Variants in ZNF678 observed in about 807,000 individuals in gnomAD.
The protein encoded by ZNF678 is zinc finger protein 678.
In ZNF678, 5 loss-of-function variants were observed where a neutral mutation model predicts 3.0. The ratio of observed to expected loss-of-function variants is 1.69; its 90% CI spans 0.88 to 3.56. The LOEUF is 3.56. ZNF678 is among the 30% of genes most tolerant of loss of function. The pLI is 0.00. For synonymous variants in ZNF678, 218 were observed against 199.6 expected, an observed-to-expected ratio of 1.09 and a Z score of -0.78; for missense variants, 593 against 605.0, an observed-to-expected ratio of 0.98 and a Z score of 0.21.
At chr1:227,609,837 G>A (rs1050346974) in intron 1 of ZNF678, among the ~76,000 whole-genome samples, 3 of 151,836 alleles carry the variant, frequency 2.0e-5, no homozygotes, top group Non-Finnish European at 4.4e-5. Flanking sequence ...AGGTTCAAGC[G>A]ATTTTCCTGC....
chr1:227,573,793 T>G (rs1656917324), intron 1 of ZNF678, among the ~76,000 whole-genome samples: 1 of 139,952 alleles, frequency 7.1e-6, no homozygotes, highest in Admixed American at 6.9e-5. Context: ...TAGTATTCAT[T>G]AGTTATTTTT....
chr1:227,647,278 C>T (rs1180908092), intron 2 of ZNF678, among the ~76,000 whole-genome samples: 3 of 152,066 alleles, frequency 2.0e-5, no homozygotes, highest in African/African-American at 7.2e-5. Context: ...CAAAAAGAAC[C>T]TATACATTTA....
intron 1 of ZNF678, among the ~76,000 whole-genome samples, chr1:227,631,579 C>T (rs574734183): frequency 6.6e-6 from 1 of 152,284 alleles, no homozygotes; most frequent in South Asian, 2.1e-4. Context: ...GGGCCTTTGT[C>T]CTTCTTTTCC....
intron 1 of ZNF678, among the ~76,000 whole-genome samples, chr1:227,628,714 C>T (rs1306027544): frequency 6.6e-6 from 1 of 152,228 alleles, no homozygotes; most frequent in African/African-American, 2.4e-5. Flanking sequence ...ACTTGGTTGG[C>T]TTGATGGCAC....
At chr1:227,579,594 G>A (rs1184414653) in intron 1 of ZNF678, among the ~76,000 whole-genome samples, 2 of 152,152 alleles carry the variant, frequency 1.3e-5, no homozygotes, top group Non-Finnish European at 2.9e-5. Flanking sequence ...CTGCAGTATG[G>A]GGAGGGAACA....
At chr1:227,628,977 T>C (rs1252869354) in intron 1 of ZNF678, among the ~76,000 whole-genome samples, 4 of 152,128 alleles carry the variant, frequency 2.6e-5, no homozygotes, top group Non-Finnish European at 4.4e-5. Context: ...TCTGCTTCCT[T>C]TGGTATTTGG....
At chr1:227,598,614 G>C in intron 1 of ZNF678, 3 of 589,772 alleles carry the variant, frequency 5.1e-6, no homozygotes, top group Non-Finnish European at 8.8e-6. Flanking sequence ...TTTATCTTAA[G>C]AATTTATCGT....
intron 1 of ZNF678, among the ~76,000 whole-genome samples, chr1:227,629,628 C>T (rs1484411017): frequency 1.3e-5 from 2 of 152,214 alleles, no homozygotes; most frequent in Non-Finnish European, 2.9e-5. Flanking sequence ...TTAAGCATAC[C>T]TGGGGCTCTG....
At chr1:227,612,623 C>T (rs539098812) in intron 1 of ZNF678, among the ~76,000 whole-genome samples, 2 of 152,292 alleles carry the variant, frequency 1.3e-5, no homozygotes, top group South Asian at 2.1e-4. Flanking sequence ...CCTGGGCACA[C>T]CTGACTTTGA....
rs376919546 is a variant in ZNF678 at position 227,639,482 on chromosome 1, G to A, written c.-163-7062G>A. Among the ~76,000 whole-genome samples, 16 of 152,344 alleles carry A rather than the reference G, an allele frequency of 1.1e-4. No individual in the cohort carries two copies. In the East Asian group the frequency reaches 1.4e-3, roughly 13 times the overall value. The stretch of plus-strand genomic sequence containing the variant: ...TCAGGGTTGGATTGGGAGATGAACC[G>A]AAGGTTTAAAATAGTGGTTCCTTCT... On this transcript the variant is annotated intron_variant, in intron 1 of 3. Transcript: ENST00000343776.
chr1:227,676,984 T>G (rs371277184), intron 5 of ZNF678, among the ~76,000 whole-genome samples: 11 of 152,314 alleles, frequency 7.2e-5, no homozygotes, highest in Admixed American at 5.9e-4. Flanking sequence ...ATAAATATAC[T>G]TGTGCATGTG....
chr1:227,594,030 T>C (rs981121575), intron 1 of ZNF678, among the ~76,000 whole-genome samples: 2 of 152,168 alleles, frequency 1.3e-5, no homozygotes, highest in Non-Finnish European at 2.9e-5. Context: ...GTACATGTGC[T>C]AAAAGACTGA....
chr1:227,624,254 A>G (rs1296769628), intron 1 of ZNF678, among the ~76,000 whole-genome samples: 1 of 152,222 alleles, frequency 6.6e-6, no homozygotes, highest in Non-Finnish European at 1.5e-5. Flanking sequence ...ACAAATACAT[A>G]TACAGCTGGA....
In ZNF678 at chr1:227,655,185, A is replaced by C. The variant is rs145363343; in HGVS notation, c.935A>C (p.Lys312Thr). ...FTQFASLTRH[K>T]RIHTGEKPYQ... is the part of the protein sequence containing the mutation. Reference sequence around the variant, plus strand: ...CAGTTTGCAAGCCTTACTCGTCATAAAAGAATTCATACTGGAGAAAAACCC... The same window carrying C: ...CAGTTTGCAAGCCTTACTCGTCATACAAGAATTCATACTGGAGAAAAACCC... The change falls in exon 4 of 4, where the codon AAA becomes ACA. Residue 312 changes from lysine (K) to threonine (T), a missense_variant. By Grantham distance (78) the Lys-to-Thr change is moderately conservative. Transcript: ENST00000343776. The C allele has an allele frequency of 5.9e-5, 95 of 1,612,104 alleles. No individual in the cohort carries two copies. In the African/African-American group the frequency reaches 1.2e-3, roughly 20 times the overall value.
At chr1:227,677,929 A>G (rs1332628576), downstream of ZNF678, among the ~76,000 whole-genome samples, 2 of 152,220 alleles carry the variant, frequency 1.3e-5, no homozygotes, top group African/African-American at 4.8e-5. Flanking sequence ...ATCACCATTG[A>G]CAATCCAGCC....
intron 1 of ZNF678, among the ~76,000 whole-genome samples, chr1:227,630,714 C>T (rs1164386402): frequency 6.6e-6 from 1 of 152,132 alleles, no homozygotes; most frequent in Non-Finnish European, 1.5e-5. Flanking sequence ...AATACTGGCA[C>T]ACTTTGGTTC....
intron 1 of ZNF678, among the ~76,000 whole-genome samples, chr1:227,577,228 G>C (rs1172332212): frequency 6.6e-6 from 1 of 152,184 alleles, no homozygotes; most frequent in African/African-American, 2.4e-5. Flanking sequence ...GGTTTTGGGT[G>C]TACAGTTCTG....
intron 1 of ZNF678, among the ~76,000 whole-genome samples, chr1:227,574,944 TTTG>T (rs138983303): frequency 0.22 from 33,406 of 151,794 alleles, 4,123 homozygotes; most frequent in African/African-American, 0.33. Context: ...TATGGGGTTT[TTTG>T]TTGTTGTTGT....
At chr1:227,592,402 C>G (rs1657439753) in intron 1 of ZNF678, among the ~76,000 whole-genome samples, 1 of 152,194 alleles carries the variant, frequency 6.6e-6, no homozygotes, top group African/African-American at 2.4e-5. Context: ...GAAACCCCAT[C>G]TAGTTGTTTT....
Sources: allele counts gnomAD v4.1 joint callset (sites outside exome capture counted in the v4.1 genomes callset), GRCh38; gene constraint gnomAD v4.1.1; transcripts MANE v1.5; gene names NCBI Gene and HGNC (gene_info 2026-07-23, HGNC 2026-07-21).